Variants in ZSCAN5A observed in about 807,000 individuals in gnomAD.
ZSCAN5A encodes zinc finger and SCAN domain-containing protein 5A.
A neutral mutation model predicts 23.7 loss-of-function variants in ZSCAN5A; 12 were observed. The observed-to-expected ratio is 0.51, with a 90% CI of 0.32 to 0.82. The LOEUF is 0.82. Ranked by LOEUF, ZSCAN5A falls within the 40% of genes least tolerant of loss-of-function variation. The pLI is 0.03. For synonymous variants in ZSCAN5A, 257 were observed against 239.9 expected, an observed-to-expected ratio of 1.07 and a Z score of -0.66; for missense variants, 597 against 617.9, an observed-to-expected ratio of 0.97 and a Z score of 0.36.
chr19:56,280,124 C>T (rs1210129896), intron 2 of ZSCAN5A, among the ~76,000 whole-genome samples: 2 of 152,096 alleles, frequency 1.3e-5, no homozygotes, highest in Non-Finnish European at 2.9e-5. Flanking sequence ...CAAGTAGAAA[C>T]AAATGTGTAT....
chr19:56,297,531 G>A, intron 2 of ZSCAN5A: 1 of 984,996 alleles, frequency 1.0e-6, no homozygotes, highest in Non-Finnish European at 1.2e-6. Context: ...CAAGGAGGAA[G>A]GTAAGTGCTT....
At chr19:56,318,667 A>G (rs2041342440), upstream of ZSCAN5A, among the ~76,000 whole-genome samples, 1 of 152,248 alleles carries the variant, frequency 6.6e-6, no homozygotes, top group Non-Finnish European at 1.5e-5. Flanking sequence ...ACATAAGAGA[A>G]AATAAAATCA....
chr19:56,249,738 T>A (rs1240435147), intron 2 of ZSCAN5A, among the ~76,000 whole-genome samples: 1 of 152,194 alleles, frequency 6.6e-6, no homozygotes, highest in Non-Finnish European at 1.5e-5. Flanking sequence ...TATTGAGACC[T>A]CCTCAGTGTT....
chr19:56,314,053 G>A (rs1379839752), intron 1 of ZSCAN5A, among the ~76,000 whole-genome samples: 1 of 152,198 alleles, frequency 6.6e-6, no homozygotes, highest in Non-Finnish European at 1.5e-5. Flanking sequence ...TGGGTGAGGT[G>A]AGGGAAGATC....
chr19:56,247,026 C>A, intron 2 of ZSCAN5A: 3 of 975,884 alleles, frequency 3.1e-6, no homozygotes, highest in Non-Finnish European at 3.3e-6. Flanking sequence ...TCAGTCACCC[C>A]AATGGCCAAG....
In ZSCAN5A at chr19:56,223,838, TAG is replaced by T; in HGVS notation, c.385-6_385-5del. On this transcript the variant is annotated splice_polypyrimidine_tract_variant and splice_region_variant and intron_variant, in intron 3 of 5. Coordinates refer to ENST00000683990, the MANE Select transcript of ZSCAN5A (RefSeq NM_001322064.3). ...TTCCGTGGAAGGTGACCACAGACTG[TAG>T]AGAGAAAAAAGACAATCAGACTCAC... The T allele has an allele frequency of 1.2e-6, 2 of 1,608,400 alleles. No homozygotes were observed. Among genetic ancestry groups the T allele is most frequent in the Non-Finnish European group, 8.5e-7 (1 of 1,179,174 alleles).
chr19:56,282,583 C>A (rs1035159011), intron 2 of ZSCAN5A: 4 of 837,798 alleles, frequency 4.8e-6, no homozygotes, highest in Admixed American at 1.2e-4. Context: ...CTTCGACTTA[C>A]GTTTCTTCTC....
intron 2 of ZSCAN5A, chr19:56,246,290 C>A: frequency 3.0e-6 from 1 of 334,042 alleles, no homozygotes; most frequent in South Asian, 4.8e-5. Context: ...ACAGGGCAGT[C>A]ATTGCTGTTG....
intron 2 of ZSCAN5A, among the ~76,000 whole-genome samples, chr19:56,330,471 T>G (rs1036610968): frequency 3.3e-5 from 5 of 152,230 alleles, no homozygotes; most frequent in African/African-American, 1.2e-4. Flanking sequence ...CATTCCCTTT[T>G]CTCAGTAGCC....
chr19:56,292,685 C>A (rs1434708777), intron 2 of ZSCAN5A, among the ~76,000 whole-genome samples: 1 of 151,648 alleles, frequency 6.6e-6, no homozygotes, highest in Non-Finnish European at 1.5e-5. Flanking sequence ...CACTGCCCCA[C>A]CAAAAAAAAA....
At chr19:56,295,134 C>T (rs981470691) in intron 2 of ZSCAN5A, 1 of 152,170 alleles carries the variant, frequency 6.6e-6, no homozygotes, top group African/African-American at 2.4e-5. Context: ...CTAAAAACTA[C>T]TGTCTTGTAC....
At chr19:56,337,407 G>A (rs2041549868) in intron 2 of ZSCAN5A, among the ~76,000 whole-genome samples, 1 of 152,348 alleles carries the variant, frequency 6.6e-6, no homozygotes, top group South Asian at 2.1e-4. Context: ...ATCTCCTGGT[G>A]TGCCGTTTGT....
intron 2 of ZSCAN5A, chr19:56,343,385 T>A (rs2041609491): frequency 3.6e-6 from 2 of 550,798 alleles, no homozygotes; most frequent in Admixed American, 4.2e-5. Context: ...TCTGAGAATA[T>A]AAGTGCCATG....
upstream of ZSCAN5A, chr19:56,319,696 C>A (rs2041354972): frequency 8.3e-6 from 5 of 601,898 alleles, no homozygotes; most frequent in East Asian, 1.4e-4. Flanking sequence ...CTTAAAGGAA[C>A]TTCATTCATA....
intron 2 of ZSCAN5A, among the ~76,000 whole-genome samples, chr19:56,348,815 GAAAT>G (rs1419284397): frequency 6.6e-6 from 1 of 152,184 alleles, no homozygotes; most frequent in Non-Finnish European, 1.5e-5. Flanking sequence ...GTAGCCGAAA[GAAAT>G]AAATTAGCTG....
At chr19:56,253,103 C>G (rs947302670) in intron 2 of ZSCAN5A, among the ~76,000 whole-genome samples, 1 of 152,178 alleles carries the variant, frequency 6.6e-6, no homozygotes, top group Non-Finnish European at 1.5e-5. Flanking sequence ...AGGCAATTGA[C>G]TGGTAACTGA....
chr19:56,288,859 C>T (rs2039321175), intron 2 of ZSCAN5A, among the ~76,000 whole-genome samples: 1 of 152,180 alleles, frequency 6.6e-6, no homozygotes. Context: ...GGGCTGCCTA[C>T]ATTCTAGCCT....
chr19:56,356,055 G>A (rs1057316303), intron 2 of ZSCAN5A, among the ~76,000 whole-genome samples: 6 of 148,856 alleles, frequency 4.0e-5, no homozygotes, highest in African/African-American at 1.5e-4. Flanking sequence ...ATGAAAGGAT[G>A]AGACAGGGAG....
At chr19:56,303,979 A>AG (rs2040514314) in intron 2 of ZSCAN5A, among the ~76,000 whole-genome samples, 1 of 152,152 alleles carries the variant, frequency 6.6e-6, no homozygotes, top group Admixed American at 6.5e-5. Context: ...TGAGAGGGGC[A>AG]GGGGGGTCCA....
Sources: gnomAD v4.1 joint callset for allele counts (sites outside exome capture counted in the v4.1 genomes callset) on GRCh38, gnomAD v4.1.1 for gene constraint, MANE v1.5 for transcripts, NCBI Gene and HGNC (gene_info 2026-07-23, HGNC 2026-07-21) for gene names.